IL5RA: variants seen among roughly 807,000 people sequenced by gnomAD.
The protein encoded by IL5RA is interleukin 5 receptor subunit alpha.
In IL5RA, 49 loss-of-function variants were observed where a neutral mutation model predicts 50.0. The observed-to-expected ratio is 0.98, with a 90% CI of 0.78 to 1.24. The LOEUF is 1.24. Among genes scored for constraint, IL5RA ranks in the 50% most tolerant of loss-of-function variants. The pLI, the probability that IL5RA is intolerant of heterozygous loss-of-function variation, is 0.00. For missense variants in IL5RA, 600 were observed against 500.4 expected, an observed-to-expected ratio of 1.20 and a Z score of -1.90; for synonymous variants, 202 against 174.0, an observed-to-expected ratio of 1.16 and a Z score of -1.26.
At chr3:3,104,554 C>A (rs1044489356) in intron 3 of IL5RA, among the ~76,000 whole-genome samples, 2 of 152,010 alleles carry the variant, frequency 1.3e-5, no homozygotes, top group Non-Finnish European at 2.9e-5. Flanking sequence ...GATTTCAGGA[C>A]AAAATGCAGT....
chr3:3,080,844 A>G (rs1386525567), intron 9 of IL5RA, among the ~76,000 whole-genome samples: 2 of 152,124 alleles, frequency 1.3e-5, no homozygotes, highest in Admixed American at 6.6e-5. Context: ...ACAGGCACGC[A>G]TCACCATGCC....
At chr3:3,070,757 A>T (rs2125946897) in intron 11 of IL5RA, among the ~76,000 whole-genome samples, 1 of 151,468 alleles carries the variant, frequency 6.6e-6, no homozygotes, top group African/African-American at 2.4e-5. Context: ...TAATTTTTGT[A>T]TTTTTAGTAG....
Position 3,098,282 on chromosome 3 carries a change from C to T in IL5RA, c.376G>A (p.Gly126Arg). The change falls in exon 6 of 12, where the codon GGA becomes AGA. Residue 126 changes from glycine (G) to arginine (R), a missense_variant. Transcript: ENST00000446632. ...CAAGTTAAATTCACAATTGAGGTTC[C>T]AGGAGACCCTAGGTAGTCAAAAGTA... ...AELHAPPGSP[G>R]TSIVNLTCTT... is the part of the protein sequence containing the mutation. 6.2e-7 allele frequency: 1 copy of T among 1,613,738 alleles called. No individual in the cohort carries two copies. Among genetic ancestry groups the T allele is most frequent in the East Asian group, 2.2e-5 (1 of 44,886 alleles).
intron 9 of IL5RA, among the ~76,000 whole-genome samples, chr3:3,086,449 C>T (rs768269582): frequency 3.3e-5 from 5 of 151,964 alleles, no homozygotes; most frequent in African/African-American, 4.8e-5. Context: ...AGGAGAAAGA[C>T]ATGTAAAAAT....
intron 9 of IL5RA, among the ~76,000 whole-genome samples, chr3:3,089,120 C>T (rs772677607): frequency 6.6e-6 from 1 of 152,094 alleles, no homozygotes; most frequent in Non-Finnish European, 1.5e-5. Context: ...TTGGTCTCAA[C>T]AGAATTATGA....
intron 5 of IL5RA, among the ~76,000 whole-genome samples, chr3:3,101,130 G>A (rs1276087861): frequency 6.7e-6 from 1 of 149,468 alleles, no homozygotes; most frequent in Non-Finnish European, 1.5e-5. Flanking sequence ...AGTGAGTCAA[G>A]AACACACCAC....
intron 9 of IL5RA, among the ~76,000 whole-genome samples, chr3:3,081,259 A>G (rs943037804): frequency 6.6e-5 from 10 of 152,188 alleles, no homozygotes; most frequent in Non-Finnish European, 1.5e-4. Flanking sequence ...GGACAAACTA[A>G]TAACAGCAAA....
At chr3:3,090,224 A>T (rs780643031) in intron 9 of IL5RA, 18 of 1,610,098 alleles carry the variant, frequency 1.1e-5, no homozygotes, top group Non-Finnish European at 1.5e-5. Context: ...TGGGGCAGGA[A>T]AGCTGGATGT....
In IL5RA at chr3:3,070,144, T is replaced by C; in HGVS notation, c.*81A>G. ...TGTTGCCTAAATTCTGAACACCTCT[T>C]AGCCAAGAGCCAGCATCCCTGTTCT... On this transcript the variant is annotated 3_prime_UTR_variant, in exon 12 of 12. Transcript: ENST00000446632. 2.2e-6 allele frequency: 2 copies of C among 896,080 alleles called. No individual in the cohort carries two copies. Among genetic ancestry groups the C allele is most frequent in the South Asian group, 2.9e-5 (2 of 68,944 alleles). 55.5% of individuals were successfully genotyped at this position (896,080 alleles called of 1,614,324 possible). A position where few individuals can be genotyped will look rare whatever the true frequency, so the allele number is the denominator to read the frequency against.
At chr3:3,100,979 T>TCAA (rs1181186005) in intron 5 of IL5RA, among the ~76,000 whole-genome samples, 15 of 122,866 alleles carry the variant, frequency 1.2e-4, no homozygotes, top group African/African-American at 1.5e-4. Flanking sequence ...AAACCCCATC[T>TCAA]CAATAATAAT....
chr3:3,075,444 C>T (rs938038673), intron 10 of IL5RA, among the ~76,000 whole-genome samples: 2 of 151,858 alleles, frequency 1.3e-5, no homozygotes, highest in African/African-American at 2.4e-5. Context: ...CTCAAGTGAT[C>T]CTCCAGCCTC....
At chr3:3,101,132 A>ACACACCACT (rs1368011043) in intron 5 of IL5RA, among the ~76,000 whole-genome samples, 1 of 151,700 alleles carries the variant, frequency 6.6e-6, no homozygotes. Flanking sequence ...TGAGTCAAGA[A>ACACACCACT]CACACCACTG....
Position 3,092,288 on chromosome 3 carries a change from T to C in IL5RA, c.930A>G (p.Ala310=). 1 of 1,614,152 alleles carries C rather than the reference T, an allele frequency of 6.2e-7. No individual in the cohort carries two copies. The highest frequency in any genetic ancestry group is 8.5e-7 in the Non-Finnish European group (1 of 1,180,022). The change falls in exon 9 of 12, where the codon GCA becomes GCG. Residue 310 remains alanine (A), a synonymous_variant. Transcript: ENST00000446632. The surrounding 1 kb of genome is among the most constrained non-coding windows in gnomAD (Gnocchi z 4.2). Reference sequence around the variant, plus strand: ...CCTCTCTGCACATGGAGCTCACTGCTGCTCTCACTTGAACATCGTACTTAG... The same window carrying C: ...CCTCTCTGCACATGGAGCTCACTGCCGCTCTCACTTGAACATCGTACTTAG... ...DLSKYDVQVR[A]AVSSMCREAG...
chr3:3,109,634 C>G, intron 1 of IL5RA, among the ~76,000 whole-genome samples: 1 of 152,100 alleles, frequency 6.6e-6, no homozygotes, highest in South Asian at 2.1e-4. Flanking sequence ...AGCCAAAACA[C>G]AAGAATAGAA....
chr3:3,080,645 C>T (rs1014013534), intron 9 of IL5RA, among the ~76,000 whole-genome samples: 9 of 152,056 alleles, frequency 5.9e-5, no homozygotes, highest in Admixed American at 3.3e-4. Context: ...CCTGACATTC[C>T]CCAAACTCTA....
intron 5 of IL5RA, among the ~76,000 whole-genome samples, chr3:3,098,981 T>C (rs984768562): frequency 5.3e-5 from 8 of 152,186 alleles, no homozygotes; most frequent in Admixed American, 5.2e-4. Context: ...CTGGGCTCTG[T>C]GTTTTCAACT....
chr3:3,082,994 C>T, intron 9 of IL5RA, among the ~76,000 whole-genome samples: 1 of 152,168 alleles, frequency 6.6e-6, no homozygotes, highest in East Asian at 1.9e-4. Flanking sequence ...AGCAGGCCTG[C>T]TGTGTTTTTA....
At chr3:3,083,233 G>T (rs1574984173) in intron 9 of IL5RA, among the ~76,000 whole-genome samples, 1 of 152,198 alleles carries the variant, frequency 6.6e-6, no homozygotes, top group Non-Finnish European at 1.5e-5. Flanking sequence ...TTTCAAGGCA[G>T]CTGTCAAATG....
Position 3,068,328 on chromosome 3 carries a change from T to G in IL5RA, c.*1897A>C, listed in dbSNP as rs1702186427. ...GGTTCATGCCTGTAATCCCAGTACT[T>G]TGGAAGGCTGAGGCCGGTGTATCGC... On this transcript the variant is annotated 3_prime_UTR_variant, in exon 12 of 12. Transcript: ENST00000446632. 2 of 152,074 alleles carry G rather than the reference T, an allele frequency of 1.3e-5. No homozygotes were observed. Among genetic ancestry groups the G allele is most frequent in the South Asian group, 2.1e-4 (1 of 4,800 alleles). 9.4% of individuals were successfully genotyped at this position (152,074 alleles called of 1,614,324 possible). A position where few individuals can be genotyped will look rare whatever the true frequency, so the allele number is the denominator to read the frequency against.
Sources: gnomAD v4.1 joint callset for allele counts (sites outside exome capture counted in the v4.1 genomes callset) on GRCh38, gnomAD v4.1.1 for gene constraint, Gnocchi (gnomAD v3.1) non-coding constraint, MANE v1.5 for transcripts, NCBI Gene and HGNC (gene_info 2026-07-23, HGNC 2026-07-21) for gene names.